The following PDZRN4 variants were observed in gnomAD, a reference collection of about 807,000 sequenced individuals.
PDZRN4 encodes PDZ domain-containing RING finger protein 4.
A neutral mutation model predicts 99.0 loss-of-function variants in PDZRN4; 70 were observed. That is an observed-to-expected ratio of 0.71 (90% CI 0.58 to 0.86). The LOEUF (loss-of-function observed/expected upper bound fraction) is 0.86. Ranked by LOEUF, PDZRN4 falls within the 40% of genes least tolerant of loss-of-function variation. The pLI is 0.00. For missense variants in PDZRN4, 1,474 were observed against 1,331.2 expected (o/e 1.11, Z -1.67); for synonymous variants, 551 against 501.6 (o/e 1.10, Z -1.32).
chr12:41,216,994 A>T (rs1240839329), intron 3 of PDZRN4, among the ~76,000 whole-genome samples: 2 of 152,052 alleles, frequency 1.3e-5, no homozygotes, highest in African/African-American at 4.8e-5. Flanking sequence ...CCCCAACATC[A>T]TATCCTTCTC....
chr12:41,189,118 G>T lies in PDZRN4; in HGVS notation c.648+15G>T. On this transcript the variant is annotated intron_variant, in intron 1 of 9. Transcript: ENST00000402685. The stretch of plus-strand genomic sequence containing the variant: ...GCCACCGCAGGGTAAGCAAAGGGGG[G>T]TGGGCACCGCGGGCATGGTCGATTG... 1 of 1,574,932 alleles carries T rather than the reference G, an allele frequency of 6.3e-7. No individual in the cohort carries two copies. Among genetic ancestry groups the T allele is most frequent in the Non-Finnish European group, 8.6e-7 (1 of 1,168,564 alleles).
At chr12:41,468,913 G>A (rs1364782067) in intron 3 of PDZRN4, among the ~76,000 whole-genome samples, 2 of 151,986 alleles carry the variant, frequency 1.3e-5, no homozygotes, top group African/African-American at 2.4e-5. Flanking sequence ...GGAGGCTGAG[G>A]CACAAGAATC....
At chr12:41,229,114 T>A (rs1210907227) in intron 3 of PDZRN4, among the ~76,000 whole-genome samples, 1 of 151,548 alleles carries the variant, frequency 6.6e-6, no homozygotes, top group Non-Finnish European at 1.5e-5. Flanking sequence ...TAATTGCACA[T>A]CATTTCATCT....
At chr12:41,242,623 T>C (rs2120786190) in intron 3 of PDZRN4, among the ~76,000 whole-genome samples, 1 of 149,176 alleles carries the variant, frequency 6.7e-6, no homozygotes, top group South Asian at 2.1e-4. Context: ...ATTCTTGTTC[T>C]TGTGGACACA....
At chr12:41,492,144 C>G (rs1937899411) in intron 3 of PDZRN4, among the ~76,000 whole-genome samples, 1 of 151,742 alleles carries the variant, frequency 6.6e-6, no homozygotes, top group Admixed American at 6.6e-5. Flanking sequence ...AAAAATAAAA[C>G]AGCAATGGCA....
intron 5 of PDZRN4, among the ~76,000 whole-genome samples, chr12:41,544,745 A>G (rs901709902): frequency 6.6e-6 from 1 of 152,234 alleles, no homozygotes; most frequent in Admixed American, 6.5e-5. Flanking sequence ...CAGGACCCCT[A>G]TTTCAGAAAG....
chr12:41,208,086 C>G (rs1008643896), intron 3 of PDZRN4, among the ~76,000 whole-genome samples: 12 of 151,828 alleles, frequency 7.9e-5, no homozygotes, highest in African/African-American at 2.9e-4. Context: ...ATCCTTAGTT[C>G]TGAGTGTCCT....
chr12:41,470,669 C>T (rs907763261), intron 3 of PDZRN4, among the ~76,000 whole-genome samples: 6 of 152,120 alleles, frequency 3.9e-5, no homozygotes, highest in Non-Finnish European at 8.8e-5. Context: ...ACCCCACAAC[C>T]GTCCCCGGTG....
chr12:41,492,510 A>C (rs896230131), intron 3 of PDZRN4, among the ~76,000 whole-genome samples: 2 of 151,802 alleles, frequency 1.3e-5, no homozygotes, highest in Non-Finnish European at 1.5e-5. Flanking sequence ...GCGTGTTTTA[A>C]CTTTGCTTTG....
intron 3 of PDZRN4, among the ~76,000 whole-genome samples, chr12:41,503,504 T>C (rs553692350): frequency 1.2e-3 from 184 of 152,336 alleles, no homozygotes; most frequent in Non-Finnish European, 2.1e-3. Context: ...CAGCCTCAAA[T>C]ACTTTTCAAT....
chr12:41,468,109 C>T (rs137929054), intron 3 of PDZRN4, among the ~76,000 whole-genome samples: 24 of 152,254 alleles, frequency 1.6e-4, no homozygotes, highest in African/African-American at 5.8e-4. Flanking sequence ...ATATTTACAT[C>T]CCAGTGTGAG....
At chr12:41,483,542 G>A (rs936121700) in intron 3 of PDZRN4, among the ~76,000 whole-genome samples, 8 of 152,026 alleles carry the variant, frequency 5.3e-5, no homozygotes, top group East Asian at 1.9e-4. Context: ...TGTAAGAAAC[G>A]CTATTCCTTT....
At chr12:41,251,311 A>G (rs981331139) in intron 3 of PDZRN4, among the ~76,000 whole-genome samples, 12 of 152,178 alleles carry the variant, frequency 7.9e-5, no homozygotes, top group Admixed American at 7.2e-4. Context: ...TTCCTCAAAA[A>G]TTGATATGGT....
chr12:41,450,838 G>A (rs2120500385), intron 3 of PDZRN4, among the ~76,000 whole-genome samples: 1 of 152,260 alleles, frequency 6.6e-6, no homozygotes, highest in South Asian at 2.1e-4. Context: ...TAAGACAAGA[G>A]GATTGCTTGA....
At chr12:41,523,905 A>G (rs910821530) in intron 5 of PDZRN4, among the ~76,000 whole-genome samples, 6 of 152,184 alleles carry the variant, frequency 3.9e-5, no homozygotes, top group Admixed American at 3.3e-4. Flanking sequence ...AGGTATGAAC[A>G]TATAAAATCT....
intron 3 of PDZRN4, among the ~76,000 whole-genome samples, chr12:41,411,062 T>C: frequency 8.0e-6 from 1 of 125,454 alleles, no homozygotes; most frequent in East Asian, 2.1e-4. Context: ...TATATATATA[T>C]ATATATTTTT....
At chr12:41,327,604 A>C (rs1026454007) in intron 3 of PDZRN4, among the ~76,000 whole-genome samples, 23 of 152,200 alleles carry the variant, frequency 1.5e-4, no homozygotes, top group African/African-American at 4.3e-4. Flanking sequence ...AGCTCTCAGC[A>C]CACTCTTGAA....
In PDZRN4 at chr12:41,189,039, A is replaced by G. The variant is rs1443557314; in HGVS notation, c.584A>G (p.Lys195Arg). 4.4e-6 allele frequency: 7 copies of G among 1,573,728 alleles called. No homozygotes were observed. Among genetic ancestry groups the G allele is most frequent in the Non-Finnish European group, 6.0e-6 (7 of 1,168,108 alleles). Reference protein sequence around the residue: ...VQLTARRYQEKFTQYMAHVRN... With the variant: ...VQLTARRYQERFTQYMAHVRN... Reference sequence around the variant, plus strand: ...CTCACGGCGCGCAGGTACCAGGAGAAGTTCACCCAATACATGGCTCACGTC... The same window carrying G: ...CTCACGGCGCGCAGGTACCAGGAGAGGTTCACCCAATACATGGCTCACGTC... The change falls in exon 1 of 10, where the codon AAG becomes AGG. Residue 195 changes from lysine (K) to arginine (R), a missense_variant. Physicochemically the swap from Lys to Arg is conservative, Grantham distance 26. Coordinates refer to ENST00000402685, the MANE Select transcript of PDZRN4 (RefSeq NM_001164595.2).
chr12:41,369,977 A>T (rs965477516), intron 3 of PDZRN4, among the ~76,000 whole-genome samples: 1 of 151,878 alleles, frequency 6.6e-6, no homozygotes, highest in Admixed American at 6.6e-5. Flanking sequence ...TGCATACTTG[A>T]TCTACAATCT....
Sources: allele counts gnomAD v4.1 joint callset (sites outside exome capture counted in the v4.1 genomes callset), GRCh38; gene constraint gnomAD v4.1.1; transcripts MANE v1.5; gene names NCBI Gene and HGNC (gene_info 2026-07-23, HGNC 2026-07-21).